KIAA1217: variants seen among roughly 807,000 people sequenced by gnomAD.
KIAA1217 encodes the protein sickle tail protein homolog.
Under a neutral mutation model 163.9 loss-of-function variants are expected in KIAA1217, and 88 were observed. The observed-to-expected ratio is 0.54, with a 90% CI of 0.45 to 0.64. KIAA1217 has a LOEUF of 0.64. Ranked by LOEUF, KIAA1217 falls within the 30% of genes least tolerant of loss-of-function variation. The probability of loss-of-function intolerance (pLI) is 0.00; values close to 1 mark genes in which losing one functional copy is unlikely to be tolerated. For missense variants in KIAA1217, 2,372 were observed against 2,475.0 expected (o/e 0.96, Z 0.88); for synonymous variants, 903 against 923.1 (o/e 0.98, Z 0.39).
intron 17 of KIAA1217, among the ~76,000 whole-genome samples, chr10:24,538,063 T>C (rs2074293165): frequency 6.6e-6 from 1 of 152,200 alleles, no homozygotes; most frequent in African/African-American, 2.4e-5. Flanking sequence ...TTAAACAAAA[T>C]CAAACTAATC....
chr10:23,709,063 T>A (rs991753999), intron 1 of KIAA1217, among the ~76,000 whole-genome samples: 25 of 152,176 alleles, frequency 1.6e-4, no homozygotes, highest in Admixed American at 2.0e-4. Flanking sequence ...GTGTTGGCTC[T>A]TTCTGAAGCT....
chr10:23,870,745 A>T (rs749846516), intron 1 of KIAA1217, among the ~76,000 whole-genome samples: 5 of 152,176 alleles, frequency 3.3e-5, no homozygotes, highest in Non-Finnish European at 7.4e-5. Context: ...AGCAACAGGC[A>T]GAGATTCACC....
intron 2 of KIAA1217, among the ~76,000 whole-genome samples, chr10:24,084,946 C>A (rs2061648649): frequency 7.0e-6 from 1 of 143,432 alleles, no homozygotes; most frequent in South Asian, 2.2e-4. Flanking sequence ...CGGAGTCTCG[C>A]TCTGTCGCCC....
intron 3 of KIAA1217, among the ~76,000 whole-genome samples, chr10:24,421,439 A>T (rs2058725547): frequency 6.6e-6 from 1 of 152,178 alleles, no homozygotes; most frequent in Non-Finnish European, 1.5e-5. Context: ...AGATTTCCTT[A>T]CATTATTATA....
At chr10:23,766,180 A>C (rs1834507559) in intron 1 of KIAA1217, among the ~76,000 whole-genome samples, 1 of 152,218 alleles carries the variant, frequency 6.6e-6, no homozygotes, top group African/African-American at 2.4e-5. Context: ...TAGTTCCCCC[A>C]GGAGATTTTT....
At chr10:23,841,720 A>G (rs1838792059) in intron 1 of KIAA1217, among the ~76,000 whole-genome samples, 1 of 152,126 alleles carries the variant, frequency 6.6e-6, no homozygotes. Flanking sequence ...ATTGATTTAA[A>G]CTTAATGGGT....
chr10:24,501,588 CTCTTCCTACCT>C, intron 9 of KIAA1217, 43 bp downstream of exon 9: 1 of 1,570,422 alleles, frequency 6.4e-7, no homozygotes, highest in Admixed American at 1.7e-5. Context: ...TTGCCCTGAG[CTCTTCCTACCT>C]TCCTTTTCCT....
At chr10:24,460,119 C>A in intron 5 of KIAA1217, among the ~76,000 whole-genome samples, 1 of 152,170 alleles carries the variant, frequency 6.6e-6, no homozygotes, top group Non-Finnish European at 1.5e-5. Flanking sequence ...ATGTTCTCTG[C>A]CACAGACTTC....
chr10:24,172,987 C>T (rs2065703328), intron 2 of KIAA1217, among the ~76,000 whole-genome samples: 1 of 152,176 alleles, frequency 6.6e-6, no homozygotes, highest in Non-Finnish European at 1.5e-5. Context: ...GGTCCCCAAC[C>T]CCCAGGCCAT....
intron 1 of KIAA1217, among the ~76,000 whole-genome samples, chr10:23,964,712 C>T (rs11013817): frequency 7.2e-5 from 11 of 151,830 alleles, no homozygotes; most frequent in African/African-American, 1.2e-4. Context: ...CATGCCACCA[C>T]GCCCAGCTAA....
intron 2 of KIAA1217, among the ~76,000 whole-genome samples, chr10:24,124,197 TTATC>T (rs1173750206): frequency 1.3e-5 from 2 of 152,142 alleles, no homozygotes; most frequent in East Asian, 3.8e-4. Flanking sequence ...AATGAGATCT[TTATC>T]TAGGATTTGT....
chr10:24,220,460 T>C (rs1023143771), intron 2 of KIAA1217, among the ~76,000 whole-genome samples: 2 of 139,252 alleles, frequency 1.4e-5, no homozygotes, highest in Non-Finnish European at 3.1e-5. Context: ...TTTTTTTTTT[T>C]TTTTTTTTTT....
At chr10:24,321,969 G>A (rs534519046) in intron 2 of KIAA1217, among the ~76,000 whole-genome samples, 15 of 152,118 alleles carry the variant, frequency 9.9e-5, no homozygotes, top group African/African-American at 3.1e-4. Flanking sequence ...TATTTTTTGA[G>A]ACAGGGTCTC....
At chr10:23,968,525 G>T (rs1485438889) in intron 1 of KIAA1217, among the ~76,000 whole-genome samples, 1 of 152,160 alleles carries the variant, frequency 6.6e-6, no homozygotes, top group East Asian at 1.9e-4. Context: ...GAAGTGTACA[G>T]TGTGGTGGTA....
intron 2 of KIAA1217, among the ~76,000 whole-genome samples, chr10:24,242,171 G>A (rs546743114): frequency 3.9e-5 from 6 of 152,268 alleles, no homozygotes; most frequent in African/African-American, 1.4e-4. Context: ...TACATGTATA[G>A]GATTGTTGCA....
At chr10:23,899,902 CTTT>C (rs1397753561) in intron 1 of KIAA1217, among the ~76,000 whole-genome samples, 1 of 151,652 alleles carries the variant, frequency 6.6e-6, no homozygotes, top group African/African-American at 2.4e-5. Context: ...TGTTTTACTT[CTTT>C]CTTTCCCTCT....
Position 24,167,284 on chromosome 10 carries a change from C to CGTGT in KIAA1217, c.-170-52313_-170-52310dup, listed in dbSNP as rs35255558. Among the ~76,000 whole-genome samples the CGTGT allele has an allele frequency of 8.1e-3, 1,204 of 148,320 alleles. 12 individuals carry two copies. Among genetic ancestry groups the CGTGT allele is most frequent in the Non-Finnish European group, 0.011 (752 of 67,100 alleles). ...ATTAGAAAGGTTTGGTGTGTATGTG[C>CGTGT]GTGTGTGTGTGTGTGTGTGTGTGTG... On this transcript the variant is annotated intron_variant, in intron 2 of 18. Coordinates refer to the KIAA1217 transcript ENST00000376462.
At chr10:24,307,712 G>T (rs538670225) in intron 2 of KIAA1217, among the ~76,000 whole-genome samples, 17 of 152,222 alleles carry the variant, frequency 1.1e-4, no homozygotes, top group Non-Finnish European at 1.6e-4. Flanking sequence ...AGCGTAAGAG[G>T]TCGGGGCTAC....
chr10:24,348,785 G>T (rs1176949553), intron 2 of KIAA1217, among the ~76,000 whole-genome samples: 1 of 152,084 alleles, frequency 6.6e-6, no homozygotes, highest in Non-Finnish European at 1.5e-5. Context: ...GAGAAATTTA[G>T]GGCCCTAGCA....
Sources: allele counts gnomAD v4.1 joint callset (sites outside exome capture counted in the v4.1 genomes callset), GRCh38; gene constraint gnomAD v4.1.1; transcripts MANE v1.5; gene names NCBI Gene and HGNC (gene_info 2026-07-23, HGNC 2026-07-21).